The following AFAP1 variants were observed in gnomAD, a reference collection of about 807,000 sequenced individuals.
AFAP1 encodes the protein actin filament-associated protein 1.
A neutral mutation model predicts 93.9 loss-of-function variants in AFAP1; 75 were observed. The ratio of observed to expected loss-of-function variants is 0.80; its 90% CI spans 0.66 to 0.97. The LOEUF (loss-of-function observed/expected upper bound fraction) is 0.97, where lower values mean the gene tolerates loss of function less well. Ranked by LOEUF, AFAP1 falls within the 50% of genes least tolerant of loss-of-function variation. The pLI is 0.00. For synonymous variants in AFAP1, 517 were observed against 430.7 expected (o/e 1.20, Z -2.48); for missense variants, 1,201 against 1,050.8 (o/e 1.14, Z -1.98).
At chr4:7,766,478 G>T (rs1425004510) in intron 17 of AFAP1, among the ~76,000 whole-genome samples, 1 of 152,188 alleles carries the variant, frequency 6.6e-6, no homozygotes, top group African/African-American at 2.4e-5. Flanking sequence ...ACTGGCCACA[G>T]AATAAGCGAC....
chr4:7,782,346 G>A (rs1445201822), intron 12 of AFAP1, among the ~76,000 whole-genome samples: 12 of 152,242 alleles, frequency 7.9e-5, no homozygotes, highest in Non-Finnish European at 2.9e-5. Context: ...AGTGACCCAA[G>A]TCCTATGGGA....
In AFAP1 at chr4:7,809,593, C is replaced by T. The variant is rs752346186; in HGVS notation, c.1054+21G>A. On this transcript the variant is annotated intron_variant, in intron 9 of 17. Transcript: ENST00000420658. ...ACCCACTTAGGTGCACGCTGCTCGTCTCCGGGAAGCGCAGTCTTACCGCAG... is the reference window on the plus strand; with the variant it reads ...ACCCACTTAGGTGCACGCTGCTCGTTTCCGGGAAGCGCAGTCTTACCGCAG... 1.1e-5 allele frequency: 18 copies of T among 1,605,918 alleles called. No individual in the cohort carries two copies. The African/African-American group carries it at 2.3e-4, about 20-fold the overall frequency.
chr4:7,833,899 T>G (rs1489680589), intron 6 of AFAP1, among the ~76,000 whole-genome samples: 2 of 151,988 alleles, frequency 1.3e-5, no homozygotes, highest in Non-Finnish European at 2.9e-5. Context: ...GGAGGTTTCT[T>G]AAAATAATTA....
intron 10 of AFAP1, among the ~76,000 whole-genome samples, chr4:7,794,475 A>C (rs1718196224): frequency 1.3e-5 from 2 of 152,136 alleles, no homozygotes; most frequent in Admixed American, 1.3e-4. Flanking sequence ...GCAAGTCTGA[A>C]ATATGTCTTT....
Position 7,894,045 on chromosome 4 carries a change from C to T in AFAP1, c.-2-21965G>A, listed in dbSNP as rs546622631. Among the ~76,000 whole-genome samples the T allele has an allele frequency of 5.9e-5, 9 of 152,280 alleles. No homozygotes were observed. In the East Asian group the frequency reaches 1.3e-3, roughly 23 times the overall value. ...GCACAGTAAGAACAATGCCCCCAAA[C>T]GCTGCACTTGGCCTCTGGCTGACGT... On this transcript the variant is annotated intron_variant, in intron 1 of 17. Coordinates refer to ENST00000420658, the MANE Select transcript of AFAP1 (RefSeq NM_001134647.2).
chr4:7,851,488 G>C (rs187268492), intron 4 of AFAP1, among the ~76,000 whole-genome samples: 2 of 152,314 alleles, frequency 1.3e-5, no homozygotes, highest in East Asian at 3.9e-4. Context: ...GTCTGCAGAA[G>C]ATGCTGTCAA....
chr4:7,889,790 T>G (rs1051071002), intron 1 of AFAP1, among the ~76,000 whole-genome samples: 1 of 149,804 alleles, frequency 6.7e-6, no homozygotes, highest in Non-Finnish European at 1.5e-5. Flanking sequence ...TTAAATATAT[T>G]AGGATAAATT....
At chr4:7,890,626 A>G (rs1389933469) in intron 1 of AFAP1, among the ~76,000 whole-genome samples, 2 of 152,192 alleles carry the variant, frequency 1.3e-5, no homozygotes. Flanking sequence ...AAGACAAACA[A>G]CCTAATAAAA....
intron 1 of AFAP1, among the ~76,000 whole-genome samples, chr4:7,937,281 T>A (rs62290601): frequency 0.26 from 39,178 of 151,950 alleles, 6,312 homozygotes; most frequent in Non-Finnish European, 0.37. Context: ...CACTTTAGAA[T>A]CCACATTTTC....
chr4:7,898,811 G>GAGTC (rs1260620520), intron 1 of AFAP1, among the ~76,000 whole-genome samples: 1 of 142,884 alleles, frequency 7.0e-6, no homozygotes, highest in Non-Finnish European at 1.6e-5. Flanking sequence ...CAGTAGAAGT[G>GAGTC]TGTGTGTGTG....
At chr4:7,783,669 G>T (rs1232710067) in intron 12 of AFAP1, among the ~76,000 whole-genome samples, 1 of 152,192 alleles carries the variant, frequency 6.6e-6, no homozygotes, top group Non-Finnish European at 1.5e-5. Context: ...ATGAAGCTGT[G>T]AATAGCCTAA....
chr4:7,824,145 G>A (rs1024574034), intron 6 of AFAP1, among the ~76,000 whole-genome samples: 5 of 152,150 alleles, frequency 3.3e-5, no homozygotes, highest in Admixed American at 1.3e-4. Flanking sequence ...AGCTATAAAT[G>A]AGGCTTCTAT....
intron 3 of AFAP1, among the ~76,000 whole-genome samples, chr4:7,856,195 G>C (rs777290976): frequency 1.8e-4 from 28 of 152,152 alleles, no homozygotes; most frequent in Non-Finnish European, 3.2e-4. Flanking sequence ...AAACAAAGTA[G>C]AAATTATTCT....
chr4:7,819,683 G>A (rs1456981739), intron 6 of AFAP1, among the ~76,000 whole-genome samples: 1 of 152,176 alleles, frequency 6.6e-6, no homozygotes, highest in Non-Finnish European at 1.5e-5. Flanking sequence ...AACCCGGAGT[G>A]CAAACTGGCA....
intron 9 of AFAP1, among the ~76,000 whole-genome samples, chr4:7,807,857 G>A (rs57383835): frequency 0.01 from 1,570 of 152,300 alleles, 22 homozygotes; most frequent in African/African-American, 0.035. Context: ...CCTCGCATCT[G>A]CCCCTGCAAT....
At chr4:7,889,695 T>TG (rs1718338983) in intron 1 of AFAP1, among the ~76,000 whole-genome samples, 1 of 87,640 alleles carries the variant, frequency 1.1e-5, no homozygotes, top group South Asian at 3.3e-4. Flanking sequence ...GAAGCGTTTT[T>TG]TTTTTTTTTA....
intron 17 of AFAP1, among the ~76,000 whole-genome samples, chr4:7,764,325 G>C (rs1025404880): frequency 6.6e-6 from 1 of 152,188 alleles, no homozygotes; most frequent in African/African-American, 2.4e-5. Flanking sequence ...AGGATGGCGT[G>C]AGGCTAGGAG....
chr4:7,819,221 T>TA, intron 6 of AFAP1, 50 bp from the exon 7 acceptor site: 11 of 1,518,476 alleles, frequency 7.2e-6, no homozygotes, highest in Non-Finnish European at 8.1e-6. Context: ...CAGAGATACT[T>TA]AAAGGCTTGA....
intron 11 of AFAP1, among the ~76,000 whole-genome samples, chr4:7,786,582 T>C (rs1717285198): frequency 6.6e-6 from 1 of 151,920 alleles, no homozygotes; most frequent in African/African-American, 2.4e-5. Context: ...AAATAACAGG[T>C]GTTCAGAAAT....
Sources: gnomAD v4.1 joint callset for allele counts (sites outside exome capture counted in the v4.1 genomes callset) on GRCh38, gnomAD v4.1.1 for gene constraint, MANE v1.5 for transcripts, NCBI Gene and HGNC (gene_info 2026-07-23, HGNC 2026-07-21) for gene names.